ZNF341: variants seen among roughly 807,000 people sequenced by gnomAD.
ZNF341 encodes the protein zinc finger protein 341.
A neutral mutation model predicts 87.7 loss-of-function variants in ZNF341; 52 were observed. The ratio of observed to expected loss-of-function variants is 0.59; its 90% CI spans 0.47 to 0.75. The LOEUF (loss-of-function observed/expected upper bound fraction) is 0.75. Among genes scored for constraint, ZNF341 ranks in the 30% least tolerant of loss-of-function variants. The pLI is 0.00. For synonymous variants in ZNF341, 459 were observed against 472.7 expected, an observed-to-expected ratio of 0.97 and a Z score of 0.38; for missense variants, 977 against 1,145.9, an observed-to-expected ratio of 0.85 and a Z score of 2.13.
intron 1 of ZNF341, among the ~76,000 whole-genome samples, chr20:33,733,991 T>A (rs1441651681): frequency 6.6e-6 from 1 of 152,228 alleles, no homozygotes; most frequent in African/African-American, 2.4e-5. Context: ...GGGGTGAGGC[T>A]TACTTTCTCT....
At chr20:33,768,703 A>G (rs1017529985) in intron 9 of ZNF341, among the ~76,000 whole-genome samples, 1 of 152,138 alleles carries the variant, frequency 6.6e-6, no homozygotes, top group Non-Finnish European at 1.5e-5. Flanking sequence ...GATTACAGGC[A>G]TGAGCCACCA....
chr20:33,778,256 T>G (rs1374584386), intron 10 of ZNF341, among the ~76,000 whole-genome samples: 1 of 152,124 alleles, frequency 6.6e-6, no homozygotes, highest in East Asian at 1.9e-4. Flanking sequence ...CCACCCCACC[T>G]TCCCTTTCTT....
At chr20:33,762,911 A>G (rs1352411909) in intron 8 of ZNF341, among the ~76,000 whole-genome samples, 2 of 152,012 alleles carry the variant, frequency 1.3e-5, no homozygotes, top group African/African-American at 2.4e-5. Context: ...TATATGTGCC[A>G]CATTTAAAGA....
intron 11 of ZNF341, among the ~76,000 whole-genome samples, chr20:33,782,571 T>A (rs1399341223): frequency 6.6e-6 from 1 of 152,218 alleles, no homozygotes; most frequent in African/African-American, 2.4e-5. Context: ...GAGTAAAAGA[T>A]ACCATGAATT....
intron 9 of ZNF341, among the ~76,000 whole-genome samples, chr20:33,769,231 A>G (rs2019472436): frequency 6.6e-6 from 1 of 152,108 alleles, no homozygotes; most frequent in African/African-American, 2.4e-5. Flanking sequence ...TGGGCCGGCT[A>G]TAGGCAGGCT....
chr20:33,763,515 T>C (rs1185785343), intron 8 of ZNF341, among the ~76,000 whole-genome samples: 1 of 152,084 alleles, frequency 6.6e-6, no homozygotes, highest in African/African-American at 2.4e-5. Flanking sequence ...GCCAGGCTGG[T>C]CTCAAACTCC....
At chr20:33,762,517 T>C (rs2019315873) in intron 8 of ZNF341, among the ~76,000 whole-genome samples, 1 of 151,986 alleles carries the variant, frequency 6.6e-6, no homozygotes, top group South Asian at 2.1e-4. Context: ...GAAAGCCCTT[T>C]CTTTTTTTTT....
intron 10 of ZNF341, 43 bp downstream of exon 10, chr20:33,770,335 T>TGGGGGGGGGGGG: frequency 4.5e-5 from 17 of 380,172 alleles, no homozygotes; most frequent in Middle Eastern, 3.8e-4. Context: ...GACGGGTGGG[T>TGGGGGGGGGGGG]GGGCAGGGAG....
intron 10 of ZNF341, among the ~76,000 whole-genome samples, chr20:33,778,930 G>A (rs905757966): frequency 6.6e-6 from 1 of 152,116 alleles, no homozygotes; most frequent in African/African-American, 2.4e-5. Flanking sequence ...CTTCAGAGTG[G>A]TTGGTGGCCT....
At chr20:33,755,432 G>A (rs1451835706) in intron 5 of ZNF341, among the ~76,000 whole-genome samples, 3 of 152,058 alleles carry the variant, frequency 2.0e-5, no homozygotes, top group Non-Finnish European at 4.4e-5. Context: ...AGAGTGCTGG[G>A]ATTACAGGCA....
At chr20:33,785,745 C>T (rs1178729581) in intron 12 of ZNF341, among the ~76,000 whole-genome samples, 1 of 152,208 alleles carries the variant, frequency 6.6e-6, no homozygotes, top group Non-Finnish European at 1.5e-5. Flanking sequence ...GTCTAGTCTG[C>T]ATTCTTCTAG....
In ZNF341 at chr20:33,783,880, C is replaced by G; in HGVS notation, c.1852+16C>G. The G allele has an allele frequency of 6.2e-7, 1 of 1,609,782 alleles. No individual in the cohort carries two copies. The highest frequency in any genetic ancestry group is 1.1e-5 in the South Asian group (1 of 90,728). On this transcript the variant is annotated intron_variant, in intron 12 of 14. Coordinates refer to ENST00000375200, the MANE Select transcript of ZNF341 (RefSeq NM_001282933.2). ...ATCCACTCGGGTAGGTACCCTGCCC[C>G]TGAGAACTCCAGCCCAGCCCCTCCC...
At chr20:33,790,894 G>C in intron 14 of ZNF341, 94 bp from the exon 15 acceptor site, 1 of 1,419,334 alleles carries the variant, frequency 7.0e-7, no homozygotes, top group Non-Finnish European at 9.4e-7. Flanking sequence ...CACAGGTGCT[G>C]GTGGGGAAAG....
At chr20:33,781,475 C>G in intron 11 of ZNF341, 88 bp downstream of exon 11, 2 of 1,202,946 alleles carry the variant, frequency 1.7e-6, no homozygotes, top group Non-Finnish European at 1.2e-6. Context: ...CTTTCCTTCT[C>G]CTCTCTCACC....
chr20:33,774,208 C>G (rs2122712811), intron 10 of ZNF341, among the ~76,000 whole-genome samples: 1 of 151,932 alleles, frequency 6.6e-6, no homozygotes, highest in Non-Finnish European at 1.5e-5. Flanking sequence ...AGGAGAATCG[C>G]TCAAACTCGG....
chr20:33,776,146 A>G (rs112039331), intron 10 of ZNF341, among the ~76,000 whole-genome samples: 301 of 151,946 alleles, frequency 2.0e-3, no homozygotes, highest in African/African-American at 7.0e-3. Flanking sequence ...TGGCATGATC[A>G]TGGCTCACTG....
chr20:33,781,149 G>A, intron 10 of ZNF341, 142 bp from the exon 11 acceptor site: 1 of 703,498 alleles, frequency 1.4e-6, no homozygotes, highest in South Asian at 1.6e-5. Context: ...AGGACAGGCA[G>A]TGGCAATTGA....
At chr20:33,767,846 CA>C (rs2019440408) in intron 9 of ZNF341, among the ~76,000 whole-genome samples, 1 of 152,152 alleles carries the variant, frequency 6.6e-6, no homozygotes, top group Non-Finnish European at 1.5e-5. Context: ...TTATATAGAG[CA>C]GGTCAAATAT....
intron 10 of ZNF341, among the ~76,000 whole-genome samples, chr20:33,779,596 A>G (rs4911363): frequency 0.38 from 57,117 of 151,740 alleles, 10,937 homozygotes; most frequent in African/African-American, 0.43. Context: ...GGTTACAGGC[A>G]GGTGCCACCA....
Sources: gnomAD v4.1 joint callset for allele counts (sites outside exome capture counted in the v4.1 genomes callset) on GRCh38, gnomAD v4.1.1 for gene constraint, MANE v1.5 for transcripts, NCBI Gene and HGNC (gene_info 2026-07-23, HGNC 2026-07-21) for gene names.